The following GTF2H1 variants were observed in gnomAD, a reference collection of about 807,000 sequenced individuals.
GTF2H1 encodes general transcription factor IIH subunit 1.
GTF2H1 carries 16 observed loss-of-function variants against 71.2 expected under a neutral mutation model. The ratio of observed to expected loss-of-function variants is 0.22; its 90% CI spans 0.15 to 0.34. The LOEUF (loss-of-function observed/expected upper bound fraction) is 0.34. Among genes scored for constraint, GTF2H1 ranks in the 10% least tolerant of loss-of-function variants. GTF2H1 has a pLI of 1.00. For missense variants in GTF2H1, 498 were observed against 648.2 expected (o/e 0.77, Z 2.52); for synonymous variants, 215 against 219.0 (o/e 0.98, Z 0.16).
intron 4 of GTF2H1, 76 bp downstream of exon 4, chr11:18,338,350 T>C: frequency 1.1e-6 from 1 of 922,190 alleles, no homozygotes. Flanking sequence ...ATTATTCCTT[T>C]TGTAAAACTT....
chr11:18,355,578 T>A (rs1475114487), intron 11 of GTF2H1, among the ~76,000 whole-genome samples: 13 of 152,092 alleles, frequency 8.5e-5, no homozygotes, highest in Admixed American at 8.5e-4. Flanking sequence ...CAATCTCGGC[T>A]CACTGCAGCC....
chr11:18,333,420 A>C, intron 2 of GTF2H1, 192 bp downstream of exon 2: 1 of 415,524 alleles, frequency 2.4e-6, no homozygotes, highest in Non-Finnish European at 4.2e-6. Flanking sequence ...GTACAGGTTT[A>C]CATATAATAT....
chr11:18,333,351 TGGGG>T, intron 2 of GTF2H1, 123 bp downstream of exon 2: 1 of 688,956 alleles, frequency 1.5e-6, no homozygotes, highest in Non-Finnish European at 2.3e-6. Context: ...AATTACAAAA[TGGGG>T]TCACTGAATA....
chr11:18,333,302 A>G (rs1044902293), intron 2 of GTF2H1, 74 bp downstream of exon 2: 1 of 1,082,832 alleles, frequency 9.2e-7, no homozygotes, highest in Non-Finnish European at 1.3e-6. Context: ...AGATTATATA[A>G]ATCTTTATTT....
intron 11 of GTF2H1, among the ~76,000 whole-genome samples, chr11:18,353,337 T>TAAG: frequency 6.6e-6 from 1 of 152,250 alleles, no homozygotes; most frequent in Non-Finnish European, 1.5e-5. Flanking sequence ...TGCCTTTGTC[T>TAAG]GGCCTGCAAA....
intron 11 of GTF2H1, among the ~76,000 whole-genome samples, chr11:18,355,078 G>A (rs1865510933): frequency 6.6e-6 from 1 of 151,406 alleles, no homozygotes; most frequent in Non-Finnish European, 1.5e-5. Flanking sequence ...CCAAAGTGCT[G>A]AGATTACAGG....
chr11:18,355,504 C>CTTAT (rs1388974090), intron 11 of GTF2H1, among the ~76,000 whole-genome samples: 1 of 123,120 alleles, frequency 8.1e-6, no homozygotes, highest in African/African-American at 3.0e-5. Context: ...AATAAATTTA[C>CTTAT]TTATTTATTT....
At chr11:18,351,795 C>A in intron 9 of GTF2H1, 86 bp from the exon 10 acceptor site, 1 of 722,152 alleles carries the variant, frequency 1.4e-6, no homozygotes. Flanking sequence ...ATTTTTTACC[C>A]TCTGTACAGT....
chr11:18,346,445 T>C (rs769663058), intron 7 of GTF2H1, among the ~76,000 whole-genome samples: 24 of 152,166 alleles, frequency 1.6e-4, no homozygotes, highest in Non-Finnish European at 2.9e-4. Context: ...AACCCTCTTC[T>C]CCAGTAGGAT....
At chr11:18,333,422 A>C in intron 2 of GTF2H1, 194 bp downstream of exon 2, 1 of 411,360 alleles carries the variant, frequency 2.4e-6, no homozygotes, top group South Asian at 4.9e-5. Context: ...ACAGGTTTAC[A>C]TATAATATGT....
chr11:18,348,278 A>G (rs958578803), intron 9 of GTF2H1: 8 of 367,126 alleles, frequency 2.2e-5, no homozygotes, highest in Admixed American at 9.1e-5. Flanking sequence ...CATGTATATG[A>G]TTTTTCAAAG....
At chr11:18,341,687 T>C in intron 7 of GTF2H1, 80 bp downstream of exon 7, 1 of 834,896 alleles carries the variant, frequency 1.2e-6, no homozygotes, top group South Asian at 1.7e-5. Context: ...AGTAGACCTA[T>C]TCCACTTGTG....
chr11:18,352,291 T>C (rs1465246512), intron 10 of GTF2H1, 38 bp from the exon 11 acceptor site: 2 of 896,640 alleles, frequency 2.2e-6, no homozygotes, highest in South Asian at 2.8e-5. Context: ...GCATCTTTAC[T>C]GTGTGTGATT....
rs1236959483 is a variant in GTF2H1, at chr11:18,366,028, A to T, written c.*159A>T. ...AGAGCTGATGCTATTGTACTTGCAC[A>T]TTGGAGACTGAAAGGAAAGAAGGGA... On this transcript the variant is annotated 3_prime_UTR_variant, in exon 15 of 15. Coordinates refer to ENST00000265963, the MANE Select transcript of GTF2H1 (RefSeq NM_005316.4). The T allele has an allele frequency of 2.5e-5, 15 of 600,354 alleles. No homozygotes were observed. The highest frequency in any genetic ancestry group is 4.2e-5 in the Non-Finnish European group (14 of 336,464). The allele number at this position is 600,354 out of a possible 1,614,324, so 37.2% of individuals were successfully genotyped here. A position where few individuals can be genotyped will look rare whatever the true frequency, so the allele number is the denominator to read the frequency against.
intron 1 of GTF2H1, among the ~76,000 whole-genome samples, chr11:18,326,687 A>C (rs1212406429): frequency 1.3e-5 from 2 of 152,120 alleles, no homozygotes; most frequent in Non-Finnish European, 2.9e-5. Flanking sequence ...CTGTAAGTCC[A>C]GTTAATTGGA....
intron 8 of GTF2H1, 47 bp from the exon 9 acceptor site, chr11:18,347,785 T>G (rs1865332142): frequency 6.3e-7 from 1 of 1,594,732 alleles, no homozygotes; most frequent in Non-Finnish European, 8.6e-7. Flanking sequence ...TGGTGTTGTT[T>G]TGCTTGTGGT....
intron 7 of GTF2H1, among the ~76,000 whole-genome samples, chr11:18,345,436 C>T (rs1326573761): frequency 6.6e-6 from 1 of 151,532 alleles, no homozygotes. Flanking sequence ...CTGTTCCTAG[C>T]GCATGTCATG....
chr11:18,323,493 T>A (rs1864618247), intron 1 of GTF2H1, among the ~76,000 whole-genome samples: 2 of 151,658 alleles, frequency 1.3e-5, no homozygotes, highest in East Asian at 3.9e-4. Context: ...ATCAGTAAAA[T>A]GGGGATGGGG....
intron 11 of GTF2H1, among the ~76,000 whole-genome samples, chr11:18,355,885 A>G (rs1454440787): frequency 2.0e-5 from 3 of 152,186 alleles, no homozygotes; most frequent in African/African-American, 7.2e-5. Flanking sequence ...CTGTCACCCC[A>G]GAAAGTCTAC....
Sources: gnomAD v4.1 joint callset for allele counts (sites outside exome capture counted in the v4.1 genomes callset) on GRCh38, gnomAD v4.1.1 for gene constraint, MANE v1.5 for transcripts, NCBI Gene and HGNC (gene_info 2026-07-23, HGNC 2026-07-21) for gene names.